EPB41L3: variants seen among roughly 807,000 people sequenced by gnomAD.
The protein encoded by EPB41L3 is erythrocyte membrane protein band 4.1 like 3.
Under a neutral mutation model 127.1 loss-of-function variants are expected in EPB41L3, and 57 were observed. The observed-to-expected ratio is 0.45, with a 90% CI of 0.36 to 0.56. The LOEUF is 0.56. Among genes scored for constraint, EPB41L3 ranks in the 20% least tolerant of loss-of-function variants. The probability of loss-of-function intolerance (pLI) is 0.00; values close to 1 mark genes in which losing one functional copy is unlikely to be tolerated. For synonymous variants in EPB41L3, 572 were observed against 549.5 expected (o/e 1.04, Z -0.57); for missense variants, 1,273 against 1,372.2 (o/e 0.93, Z 1.14).
rs1045474923 is a variant in EPB41L3 at position 5,478,140 on chromosome 18, T to C, written c.381+101A>G. ...TTTAGAGACTGGGTTTGAGTAATTT[T>C]CCAGAGTCCTAGAAAAATAAAGAGG... On this transcript the variant is annotated intron_variant, in intron 3 of 22. Coordinates refer to ENST00000341928, the MANE Select transcript of EPB41L3 (RefSeq NM_012307.5). The C allele has an allele frequency of 3.0e-6, 3 of 1,016,760 alleles. No homozygotes were observed. The African/African-American group carries it at 4.9e-5, about 16-fold the overall frequency. The allele number at this position is 1,016,760 out of a possible 1,614,324, so 63.0% of individuals were successfully genotyped here.
At position 5,565,712 on chromosome 18, in the gene EPB41L3, T is replaced by A. The variant is rs978091965; in HGVS notation, c.-306+46628A>T. 2.1e-5 allele frequency among the ~76,000 whole-genome samples: 3 copies of A among 145,282 alleles called. No individual in the cohort carries two copies. The Admixed American group carries it at 2.2e-4, about 11-fold the overall frequency. On this transcript the variant is annotated intron_variant, in intron 3 of 21. Coordinates refer to the EPB41L3 transcript ENST00000545076. ...CAATTCCCATCTATGAGTGAGAACA[T>A]GCAGTGTTTGGTTTTTTGTCCTTGC...
At chr18:5,494,591 A>G (rs1177545461) in intron 1 of EPB41L3, among the ~76,000 whole-genome samples, 1 of 151,914 alleles carries the variant, frequency 6.6e-6, no homozygotes, top group East Asian at 1.9e-4. Flanking sequence ...GGGGAGGCAG[A>G]GGTTGCAGTG....
At chr18:5,479,748 C>G (rs986803851) in intron 2 of EPB41L3, 1 of 106,456 alleles carries the variant, frequency 9.4e-6, no homozygotes, top group African/African-American at 3.6e-5. Flanking sequence ...GTTGAGAAGG[C>G]AAGTTTTAGC....
At chr18:5,433,157 G>T (rs1336351151) in intron 8 of EPB41L3, among the ~76,000 whole-genome samples, 1 of 152,186 alleles carries the variant, frequency 6.6e-6, no homozygotes, top group Non-Finnish European at 1.5e-5. Flanking sequence ...GCAGGGTGAA[G>T]TAAAAGTCTG....
intron 3 of EPB41L3, among the ~76,000 whole-genome samples, chr18:5,599,949 T>A (rs1420584055): frequency 6.6e-6 from 1 of 152,118 alleles, no homozygotes; most frequent in Non-Finnish European, 1.5e-5. Context: ...AAGAAAAACA[T>A]ATTTAAAAAT....
rs200474691 is a variant in EPB41L3, at chr18:5,395,609, T to G, written c.3072A>C (p.Lys1024Asn). ...TCTTCTCGGTTCTCACTCCACTTAC[T>G]TTGGTGATGTGCGTAGTGGTGGTGG... ...TSTTTTTHIT[K>N]TVKGGISETR... The change falls in exon 20 of 23, where the codon AAA becomes AAC. Residue 1024 changes from lysine (K) to asparagine (N), a missense_variant and splice_region_variant. This residue lies in a region of EPB41L3 where 765 missense variants were observed against 782.9 expected (regional missense o/e 0.98). Transcript: ENST00000341928. The G allele has an allele frequency of 6.2e-7, 1 of 1,613,676 alleles. No individual in the cohort carries two copies. The highest frequency in any genetic ancestry group is 8.5e-7 in the Non-Finnish European group (1 of 1,179,608).
Position 5,612,082 on chromosome 18 carries a change from A to G in EPB41L3, c.-306+258T>C, listed in dbSNP as rs191532055. Among the ~76,000 whole-genome samples the G allele has an allele frequency of 5.6e-3, 854 of 151,382 alleles. 6 individuals are homozygous for G. The highest frequency in any genetic ancestry group is 0.02 in the African/African-American group (801 of 40,956). ...TTTATGACACTTGTATTTTGCCACAATTAGGGCAAAAAAAAAAAAAACCAC... is the reference window on the plus strand; with the variant it reads ...TTTATGACACTTGTATTTTGCCACAGTTAGGGCAAAAAAAAAAAAAACCAC... On this transcript the variant is annotated intron_variant, in intron 3 of 21. Coordinates refer to the EPB41L3 transcript ENST00000545076.
At chr18:5,603,097 AT>A (rs887152827) in intron 3 of EPB41L3, among the ~76,000 whole-genome samples, 3 of 152,028 alleles carry the variant, frequency 2.0e-5, no homozygotes, top group South Asian at 4.2e-4. Flanking sequence ...GTATGCTTCA[AT>A]TTTTTTTCCT....
chr18:5,513,196 AAAC>A (rs2092612667), intron 1 of EPB41L3, among the ~76,000 whole-genome samples: 1 of 152,210 alleles, frequency 6.6e-6, no homozygotes, highest in South Asian at 2.1e-4. Flanking sequence ...GCTTCTTGCC[AAAC>A]AACAGTGCAC....
At chr18:5,412,326 T>A (rs1192520037) in intron 13 of EPB41L3, among the ~76,000 whole-genome samples, 2 of 152,018 alleles carry the variant, frequency 1.3e-5, no homozygotes, top group Admixed American at 6.5e-5. Context: ...GCCTCCCTAG[T>A]GGGACTAGGG....
rs1250880900 is a variant in EPB41L3 at position 5,481,692 on chromosome 18, T to C, written c.184-3254A>G. On this transcript the variant is annotated intron_variant, in intron 2 of 22. Coordinates refer to ENST00000341928, the MANE Select transcript of EPB41L3 (RefSeq NM_012307.5). ...GGCCAAAGGAGACACTGAATCAGAG[T>C]GGCTGTTCAGCAGCACCACACTGGA... 2.0e-5 allele frequency among the ~76,000 whole-genome samples: 3 copies of C among 152,014 alleles called. No homozygotes were observed. In the East Asian group the frequency reaches 5.8e-4, roughly 29 times the overall value.
chr18:5,585,366 C>T (rs1426688570), intron 3 of EPB41L3, among the ~76,000 whole-genome samples: 3 of 152,002 alleles, frequency 2.0e-5, no homozygotes, highest in African/African-American at 4.8e-5. Flanking sequence ...TGCCGTAGTG[C>T]GATCTGGGCT....
At chr18:5,529,990 C>G (rs562594808) in intron 1 of EPB41L3, among the ~76,000 whole-genome samples, 16 of 151,200 alleles carry the variant, frequency 1.1e-4, no homozygotes, top group Middle Eastern at 3.4e-3. Flanking sequence ...TGGGGCCATT[C>G]CCCTCTCCCT....
Position 5,395,672 on chromosome 18 carries a change from C to G in EPB41L3, c.3009G>C (p.Leu1003=), listed in dbSNP as rs368249382. The change falls in exon 20 of 23, where the codon CTG becomes CTC. Residue 1003 remains leucine, a synonymous_variant. Coordinates refer to ENST00000341928, the MANE Select transcript of EPB41L3 (RefSeq NM_012307.5). ...DPGTDLEPGV[L]MSAQTITSET... ...CAGATGTGATCGTCTGTGCACTCAT[C>G]AGCACGCCTGGCTCCAGATCTGTGC... 3.1e-6 allele frequency: 5 copies of G among 1,614,196 alleles called. No homozygotes were observed. In the African/African-American group the frequency reaches 5.3e-5, roughly 17 times the overall value.
chr18:5,499,902 CT>C, intron 1 of EPB41L3, among the ~76,000 whole-genome samples: 1 of 150,106 alleles, frequency 6.7e-6, no homozygotes, highest in Admixed American at 6.7e-5. Context: ...TAGTGTGAAT[CT>C]TTAAGATCCT....
intron 15 of EPB41L3, 122 bp from the exon 16 acceptor site, chr18:5,407,090 A>T: frequency 2.4e-6 from 2 of 833,204 alleles, no homozygotes; most frequent in South Asian, 3.5e-5. Context: ...CAAAATTTTG[A>T]TCAAGGCTCA....
chr18:5,396,139 A>C (rs916027131), intron 19 of EPB41L3, 62 bp downstream of exon 19: 5 of 1,594,562 alleles, frequency 3.1e-6, no homozygotes, highest in Non-Finnish European at 4.3e-6. Flanking sequence ...CTATGTAAAC[A>C]CACTAGGCCA....
At chr18:5,533,857 T>TACAAGTG (rs66621565) in intron 1 of EPB41L3, among the ~76,000 whole-genome samples, 40,667 of 151,920 alleles carry the variant, frequency 0.27, 6,578 homozygotes, top group African/African-American at 0.46. Context: ...CCACAGAAGT[T>TACAAGTG]ATGGACCAGC....
rs139690245 is a variant in EPB41L3, at chr18:5,465,568, T to A, written c.381+12673A>T. Among the ~76,000 whole-genome samples, 41 of 152,290 alleles carry A rather than the reference T, an allele frequency of 2.7e-4. 1 individual carries two copies. The highest frequency in any genetic ancestry group is 9.9e-4 in the African/African-American group (41 of 41,566). On this transcript the variant is annotated intron_variant, in intron 3 of 22. Coordinates refer to ENST00000341928, the MANE Select transcript of EPB41L3 (RefSeq NM_012307.5). ...AAGGCTTAGAAGGGAATATATGTTT[T>A]ATGGGGTGGAAATTCCATAACTTTA...
Sources: gnomAD v4.1 joint callset for allele counts (sites outside exome capture counted in the v4.1 genomes callset) on GRCh38, gnomAD v4.1.1 for gene constraint, gnomAD v4.1.1 regional missense constraint, MANE v1.5 for transcripts, NCBI Gene and HGNC (gene_info 2026-07-23, HGNC 2026-07-21) for gene names.